Variants in PACS1 observed in about 807,000 individuals in gnomAD.
PACS1 encodes the protein phosphofurin acidic cluster sorting protein 1.
PACS1 carries 24 observed loss-of-function variants against 115.0 expected under a neutral mutation model. The observed-to-expected ratio is 0.21, with a 90% CI of 0.15 to 0.29. The LOEUF (loss-of-function observed/expected upper bound fraction) is 0.29. Ranked by LOEUF, PACS1 falls within the 10% of genes least tolerant of loss-of-function variation. The probability of loss-of-function intolerance (pLI) is 1.00; values close to 1 mark genes in which losing one functional copy is unlikely to be tolerated. For synonymous variants in PACS1, 453 were observed against 504.5 expected, an observed-to-expected ratio of 0.90 and a Z score of 1.37; for missense variants, 838 against 1,251.2, an observed-to-expected ratio of 0.67 and a Z score of 4.98.
intron 11 of PACS1, among the ~76,000 whole-genome samples, chr11:66,228,452 T>TA (rs1565155549): frequency 6.6e-6 from 1 of 152,202 alleles, no homozygotes; most frequent in Admixed American, 6.5e-5. Context: ...TACCCTAACT[T>TA]ACATTTTCTA....
intron 1 of PACS1, among the ~76,000 whole-genome samples, chr11:66,129,186 C>G (rs1157719761): frequency 6.6e-6 from 1 of 151,644 alleles, no homozygotes; most frequent in Non-Finnish European, 1.5e-5. Flanking sequence ...AATCCCAGCA[C>G]TTGGGGAGGC....
chr11:66,169,603 G>C lies in PACS1; in HGVS notation c.357-23883G>C, dbSNP rs906655731. Among the ~76,000 whole-genome samples, 53 of 130,472 alleles carry C rather than the reference G, an allele frequency of 4.1e-4. 1 individual carries two copies. The highest frequency in any genetic ancestry group is 1.6e-3 in the African/African-American group (51 of 32,506). The allele number at this position is 130,472 out of a possible 152,430, so 85.6% of individuals were successfully genotyped here. ...TTTTTTTGTATCTTTAGTAGAGATG[G>C]GGTTTCATTCACCATGTTGGCCAGG... On this transcript the variant is annotated intron_variant, in intron 1 of 23. Transcript: ENST00000320580.
rs1158200033 is a variant in PACS1, at chr11:66,233,132, A to C, written c.1838+66A>C. On this transcript the variant is annotated intron_variant, in intron 15 of 23. Transcript: ENST00000320580. The surrounding 1 kb of genome is among the most constrained non-coding windows in gnomAD (Gnocchi z 4.5). Reference sequence around the variant, plus strand: ...CCTCTGACCTCATCTTCCAACCCTGACTTCTAAGCAATGATAGACCCTCCT... The same window carrying C: ...CCTCTGACCTCATCTTCCAACCCTGCCTTCTAAGCAATGATAGACCCTCCT... The C allele has an allele frequency of 8.2e-7, 1 of 1,219,084 alleles. No individual in the cohort carries two copies. The highest frequency in any genetic ancestry group is 1.2e-6 in the Non-Finnish European group (1 of 838,678). The allele number at this position is 1,219,084 out of a possible 1,614,324, so 75.5% of individuals were successfully genotyped here.
chr11:66,188,618 C>T (rs1189156123), intron 1 of PACS1, among the ~76,000 whole-genome samples: 2 of 152,118 alleles, frequency 1.3e-5, no homozygotes, highest in Non-Finnish European at 2.9e-5. Context: ...CTCTTCAGGC[C>T]TTGTATCCTA....
At chr11:66,148,793 G>T (rs1029795930) in intron 1 of PACS1, among the ~76,000 whole-genome samples, 1 of 152,098 alleles carries the variant, frequency 6.6e-6, no homozygotes, top group Non-Finnish European at 1.5e-5. Context: ...GGGCATGTTG[G>T]CGTGCATCTG....
chr11:66,210,680 C>T (rs987205607), intron 3 of PACS1, among the ~76,000 whole-genome samples: 13 of 152,220 alleles, frequency 8.5e-5, no homozygotes, highest in African/African-American at 3.1e-4. Context: ...CCCTTCCCTT[C>T]CTCTGCCTTG....
At chr11:66,161,571 CT>C (rs1468640280) in intron 1 of PACS1, among the ~76,000 whole-genome samples, 1 of 152,076 alleles carries the variant, frequency 6.6e-6, no homozygotes, top group Non-Finnish European at 1.5e-5. Flanking sequence ...AAAATAATTT[CT>C]TCCTGGGCAA....
intron 4 of PACS1, among the ~76,000 whole-genome samples, chr11:66,215,002 G>A (rs1200154984): frequency 2.0e-5 from 3 of 151,060 alleles, no homozygotes; most frequent in Non-Finnish European, 4.4e-5. Flanking sequence ...GCACAATCAC[G>A]ACTCACTGCA....
At chr11:66,214,641 A>T (rs1590824485) in intron 4 of PACS1, among the ~76,000 whole-genome samples, 1 of 96,774 alleles carries the variant, frequency 1.0e-5, no homozygotes, top group Admixed American at 1.5e-4. Context: ...TTTTTTCCTG[A>T]GATAGAGTCT....
At chr11:66,075,102 C>G (rs986901925) in intron 1 of PACS1, among the ~76,000 whole-genome samples, 3 of 151,956 alleles carry the variant, frequency 2.0e-5, no homozygotes, top group Non-Finnish European at 4.4e-5. Context: ...GCCACCACAC[C>G]TGGCTAATTT....
intron 1 of PACS1, among the ~76,000 whole-genome samples, chr11:66,095,669 G>A (rs186549922): frequency 2.0e-3 from 303 of 152,324 alleles, no homozygotes; most frequent in Non-Finnish European, 3.0e-3. Flanking sequence ...TGTTGGCCAG[G>A]ATGGTCTCGA....
chr11:66,126,485 T>C (rs1858574694), intron 1 of PACS1, among the ~76,000 whole-genome samples: 1 of 152,152 alleles, frequency 6.6e-6, no homozygotes, highest in African/African-American at 2.4e-5. Flanking sequence ...AAAAAATAAG[T>C]GTTAGCCATT....
At chr11:66,218,973 G>A (rs190749599) in intron 7 of PACS1, among the ~76,000 whole-genome samples, 2 of 152,156 alleles carry the variant, frequency 1.3e-5, no homozygotes, top group Admixed American at 1.3e-4. Context: ...GATAAGGCTA[G>A]AAACAGGCAG....
intron 22 of PACS1, among the ~76,000 whole-genome samples, chr11:66,242,439 G>A (rs1855834010): frequency 6.6e-6 from 1 of 152,234 alleles, no homozygotes; most frequent in Non-Finnish European, 1.5e-5. Context: ...AACTTGCAAG[G>A]GGAAGCTGCC....
Position 66,130,078 on chromosome 11 carries a change from A to T in PACS1, c.356+59236A>T, listed in dbSNP as rs529896606. Among the ~76,000 whole-genome samples, 4 of 152,288 alleles carry T rather than the reference A, an allele frequency of 2.6e-5. No individual in the cohort carries two copies. The East Asian group carries it at 7.7e-4, about 29-fold the overall frequency. ...ATTTATTGAATGTATTCTTTGCACC[A>T]TCCCCCGAGTTGGGTTTTGGGTGCA... On this transcript the variant is annotated intron_variant, in intron 1 of 23. Transcript: ENST00000320580.
intron 4 of PACS1, 115 bp from the exon 5 acceptor site, chr11:66,216,004 G>A (rs941655177): frequency 2.5e-6 from 2 of 795,988 alleles, no homozygotes; most frequent in Non-Finnish European, 4.0e-6. Flanking sequence ...TTGAAAGTAA[G>A]GAAGAAAACG....
At chr11:66,123,544 CAG>C (rs1462605055) in intron 1 of PACS1, among the ~76,000 whole-genome samples, 3 of 150,696 alleles carry the variant, frequency 2.0e-5, no homozygotes, top group Non-Finnish European at 4.4e-5. Context: ...TTTTTTGGGA[CAG>C]AGTTTCGCTC....
intron 1 of PACS1, among the ~76,000 whole-genome samples, chr11:66,106,288 A>G (rs1858037625): frequency 6.6e-6 from 1 of 151,910 alleles, no homozygotes; most frequent in Non-Finnish European, 1.5e-5. Context: ...AAATACAAAA[A>G]TGGCCGAGTG....
At chr11:66,076,668 C>G (rs1461535956) in intron 1 of PACS1, among the ~76,000 whole-genome samples, 2 of 152,330 alleles carry the variant, frequency 1.3e-5, no homozygotes, top group African/African-American at 4.8e-5. Flanking sequence ...GCTGGGATTA[C>G]AGATGTGAGC....
Sources: allele counts gnomAD v4.1 joint callset (sites outside exome capture counted in the v4.1 genomes callset), GRCh38; gene constraint gnomAD v4.1.1; non-coding constraint Gnocchi (gnomAD v3.1); transcripts MANE v1.5; gene names NCBI Gene and HGNC (gene_info 2026-07-23, HGNC 2026-07-21).